TGFA: variants seen among roughly 807,000 people sequenced by gnomAD.
TGFA encodes the protein transforming growth factor alpha, also known as protransforming growth factor alpha.
In TGFA, 12 loss-of-function variants were observed where a neutral mutation model predicts 21.7. The ratio of observed to expected loss-of-function variants is 0.55; its 90% CI spans 0.35 to 0.90. The LOEUF is 0.90. TGFA is among the 40% of genes least tolerant of loss of function. The pLI is 0.01. For synonymous variants in TGFA, 79 were observed against 88.1 expected, an observed-to-expected ratio of 0.90 and a Z score of 0.58; for missense variants, 178 against 210.8, an observed-to-expected ratio of 0.84 and a Z score of 0.96.
At chr2:70,504,463 T>TACAC (rs369622936) in intron 2 of TGFA, among the ~76,000 whole-genome samples, 2 of 48,966 alleles carry the variant, frequency 4.1e-5, no homozygotes, top group African/African-American at 2.0e-4. Flanking sequence ...TATATATATA[T>TACAC]ACACACATAC....
At chr2:70,540,340 T>C (rs1045760842) in intron 1 of TGFA, among the ~76,000 whole-genome samples, 2 of 152,190 alleles carry the variant, frequency 1.3e-5, no homozygotes, top group African/African-American at 4.8e-5. Context: ...CCATGATCCT[T>C]AGATCAATGG....
At chr2:70,501,487 GCTCA>G (rs1671736971) in intron 2 of TGFA, among the ~76,000 whole-genome samples, 1 of 151,996 alleles carries the variant, frequency 6.6e-6, no homozygotes. Context: ...AAGCCCTCCT[GCTCA>G]CTCACAAAAA....
At chr2:70,477,364 A>G (rs1670970265) in intron 2 of TGFA, among the ~76,000 whole-genome samples, 1 of 152,216 alleles carries the variant, frequency 6.6e-6, no homozygotes, top group Non-Finnish European at 1.5e-5. Context: ...ACAAAATCCC[A>G]AAAGAGTACA....
intron 2 of TGFA, among the ~76,000 whole-genome samples, chr2:70,486,651 T>G (rs1352615309): frequency 6.6e-6 from 1 of 151,928 alleles, no homozygotes; most frequent in Non-Finnish European, 1.5e-5. Context: ...TTTGTAGAGA[T>G]GAGGATTTGC....
At chr2:70,485,629 A>G (rs1413647770) in intron 2 of TGFA, among the ~76,000 whole-genome samples, 1 of 152,126 alleles carries the variant, frequency 6.6e-6, no homozygotes, top group Non-Finnish European at 1.5e-5. Context: ...TACCCTTCCC[A>G]TAGCATCTGG....
At chr2:70,504,475 T>TATATATATATATATATATAC (rs1559124137) in intron 2 of TGFA, among the ~76,000 whole-genome samples, 25 of 83,852 alleles carry the variant, frequency 3.0e-4, no homozygotes, top group Middle Eastern at 0.012. Context: ...CACACATACA[T>TATATATATATATATATATAC]ACATACATAC....
chr2:70,506,255 A>T (rs1458742268), intron 2 of TGFA, among the ~76,000 whole-genome samples: 1 of 152,126 alleles, frequency 6.6e-6, no homozygotes, highest in Admixed American at 6.5e-5. Context: ...CACACATTTC[A>T]CAGACTCCCA....
chr2:70,535,101 A>T (rs1218040915), intron 1 of TGFA, among the ~76,000 whole-genome samples: 2 of 152,212 alleles, frequency 1.3e-5, no homozygotes, highest in Non-Finnish European at 2.9e-5. Context: ...GGTGGGTTAA[A>T]GGAGTTTGTA....
intron 2 of TGFA, among the ~76,000 whole-genome samples, chr2:70,480,171 T>A (rs1195841323): frequency 6.6e-6 from 1 of 152,208 alleles, no homozygotes; most frequent in East Asian, 1.9e-4. Context: ...GAGTTTTCTC[T>A]TTTCCCCTGT....
chr2:70,476,029 C>A (rs1372618416), intron 2 of TGFA, among the ~76,000 whole-genome samples: 3 of 139,762 alleles, frequency 2.1e-5, no homozygotes, highest in Non-Finnish European at 4.5e-5. Flanking sequence ...ATTTCTCCAG[C>A]TCCCAGGTTG....
intron 4 of TGFA, among the ~76,000 whole-genome samples, chr2:70,454,898 G>A (rs1460013197): frequency 6.6e-6 from 1 of 152,200 alleles, no homozygotes; most frequent in Non-Finnish European, 1.5e-5. Flanking sequence ...GGAGGCCTGT[G>A]TGGGCCACCA....
At chr2:70,489,046 T>C (rs1487564793) in intron 2 of TGFA, among the ~76,000 whole-genome samples, 4 of 152,018 alleles carry the variant, frequency 2.6e-5, no homozygotes, top group African/African-American at 9.7e-5. Flanking sequence ...AGATTCCGAG[T>C]CAGCAGCACG....
intron 2 of TGFA, among the ~76,000 whole-genome samples, 192 bp downstream of exon 2, chr2:70,514,667 C>T (rs113573721): frequency 1.3e-5 from 2 of 152,088 alleles, no homozygotes; most frequent in Non-Finnish European, 2.9e-5. Context: ...CAGGAACAGC[C>T]CCCCCTTGGG....
intron 1 of TGFA, among the ~76,000 whole-genome samples, chr2:70,547,834 T>G (rs1229635444): frequency 1.4e-5 from 2 of 147,750 alleles, no homozygotes; most frequent in African/African-American, 4.9e-5. Context: ...TATCTATAGA[T>G]ATATATAGAG....
Position 70,450,245 on chromosome 2 carries a change from T to C in TGFA, c.*614A>G, listed in dbSNP as rs1196162500. The stretch of plus-strand genomic sequence containing the variant: ...AAAAATAAAACCATTATCCATCTAA[T>C]AAATAAGACATCATCTCCAAGGGTG... On this transcript the variant is annotated 3_prime_UTR_variant, in exon 6 of 6. Coordinates refer to ENST00000295400, the MANE Select transcript of TGFA (RefSeq NM_003236.4). 6.6e-6 allele frequency: 1 copy of C among 152,352 alleles called. No individual in the cohort carries two copies. Among genetic ancestry groups the C allele is most frequent in the Non-Finnish European group, 1.5e-5 (1 of 68,152 alleles). 9.4% of individuals were successfully genotyped at this position (152,352 alleles called of 1,614,324 possible).
intron 1 of TGFA, chr2:70,553,416 T>TGTCTGAGCAGACACAC: frequency 7.0e-7 from 1 of 1,434,200 alleles, no homozygotes; most frequent in South Asian, 1.5e-5. Flanking sequence ...TGTAGGCATG[T>TGTCTGAGCAGACACAC]GTCTGAGCAG....
At chr2:70,494,588 T>C (rs2103795207) in intron 2 of TGFA, among the ~76,000 whole-genome samples, 1 of 152,332 alleles carries the variant, frequency 6.6e-6, no homozygotes. Context: ...TATTACCAAA[T>C]GGCTCTCATA....
At chr2:70,553,335 G>T (rs1219999657) in intron 1 of TGFA, 1 of 1,496,252 alleles carries the variant, frequency 6.7e-7, no homozygotes, top group Non-Finnish European at 8.8e-7. Context: ...CCCCCGTTCC[G>T]AGGCGGCCCA....
At chr2:70,552,616 T>C (rs782350388) in intron 1 of TGFA, among the ~76,000 whole-genome samples, 7 of 152,184 alleles carry the variant, frequency 4.6e-5, no homozygotes, top group Non-Finnish European at 8.8e-5. Flanking sequence ...CCCCTTCTGC[T>C]GCGGTTTTTA....
Sources: gnomAD v4.1 joint callset for allele counts (sites outside exome capture counted in the v4.1 genomes callset) on GRCh38, gnomAD v4.1.1 for gene constraint, MANE v1.5 for transcripts, NCBI Gene and HGNC (gene_info 2026-07-23, HGNC 2026-07-21) for gene names.